Variants in NELL1 observed in about 807,000 individuals in gnomAD.
NELL1 encodes neural EGFL like 1.
A neutral mutation model predicts 107.4 loss-of-function variants in NELL1; 76 were observed. The ratio of observed to expected loss-of-function variants is 0.71; its 90% CI spans 0.59 to 0.86. NELL1 has a LOEUF of 0.86. NELL1 is among the 40% of genes least tolerant of loss of function. The pLI, the probability that NELL1 is intolerant of heterozygous loss-of-function variation, is 0.00. For synonymous variants in NELL1, 353 were observed against 341.2 expected (o/e 1.03, Z -0.38); for missense variants, 1,024 against 1,005.5 (o/e 1.02, Z -0.25).
chr11:21,083,156 TG>T (rs1331138656), intron 12 of NELL1, among the ~76,000 whole-genome samples: 2 of 152,162 alleles, frequency 1.3e-5, no homozygotes, highest in Admixed American at 6.6e-5. Flanking sequence ...AGTCAGTATG[TG>T]TTTTTATGGG....
intron 15 of NELL1, among the ~76,000 whole-genome samples, chr11:21,390,551 C>T (rs1310753717): frequency 6.8e-6 from 1 of 147,034 alleles, no homozygotes; most frequent in East Asian, 2.1e-4. Flanking sequence ...GCGCACGCAC[C>T]CAAACACTTC....
intron 13 of NELL1, among the ~76,000 whole-genome samples, chr11:21,132,857 G>T (rs1855655521): frequency 6.6e-6 from 1 of 152,164 alleles, no homozygotes; most frequent in Admixed American, 6.5e-5. Context: ...CCTGCCATTT[G>T]ATGGGTCCCA....
At chr11:20,862,605 C>CTTTGTTT (rs1848998211) in intron 4 of NELL1, among the ~76,000 whole-genome samples, 1 of 94,648 alleles carries the variant, frequency 1.1e-5, no homozygotes, top group Non-Finnish European at 1.9e-5. Flanking sequence ...TGAGCTGCTG[C>CTTTGTTT]TTTTTTTTTT....
chr11:21,000,394 C>T (rs928757333), intron 12 of NELL1, among the ~76,000 whole-genome samples: 1 of 152,120 alleles, frequency 6.6e-6, no homozygotes, highest in Non-Finnish European at 1.5e-5. Context: ...ATAATCTTTT[C>T]GGAACCCAGA....
intron 11 of NELL1, among the ~76,000 whole-genome samples, chr11:20,947,772 A>G (rs931665230): frequency 6.6e-6 from 1 of 152,136 alleles, no homozygotes; most frequent in Non-Finnish European, 1.5e-5. Context: ...CATTATCATC[A>G]TTATTACATT....
chr11:21,268,678 T>G (rs1323101329), intron 14 of NELL1, among the ~76,000 whole-genome samples: 1 of 152,054 alleles, frequency 6.6e-6, no homozygotes, highest in Admixed American at 6.6e-5. Context: ...CTCAACAACT[T>G]CCCACCACAT....
chr11:21,537,202 C>A (rs2133974111), intron 16 of NELL1, among the ~76,000 whole-genome samples: 1 of 152,250 alleles, frequency 6.6e-6, no homozygotes, highest in South Asian at 2.1e-4. Flanking sequence ...CAGAATATTT[C>A]TTGGGCAAAC....
intron 2 of NELL1, among the ~76,000 whole-genome samples, chr11:20,766,399 C>T (rs1419302203): frequency 6.6e-6 from 1 of 152,226 alleles, no homozygotes; most frequent in Non-Finnish European, 1.5e-5. Context: ...AAAGGAAAGA[C>T]ACAAGGTGGT....
chr11:20,711,971 G>C (rs1855123869), intron 2 of NELL1, among the ~76,000 whole-genome samples: 1 of 152,014 alleles, frequency 6.6e-6, no homozygotes. Context: ...TTAGTTCTTT[G>C]AGCTTCTTGT....
At chr11:21,539,842 C>T (rs1393695700) in intron 16 of NELL1, among the ~76,000 whole-genome samples, 2 of 151,220 alleles carry the variant, frequency 1.3e-5, no homozygotes, top group Non-Finnish European at 2.9e-5. Context: ...CCATTTAGGG[C>T]CATTTAGGGC....
chr11:20,936,005 G>A (rs1850717037), intron 9 of NELL1, among the ~76,000 whole-genome samples: 1 of 152,084 alleles, frequency 6.6e-6, no homozygotes, highest in Non-Finnish European at 1.5e-5. Context: ...CAGGTTCTGA[G>A]GGGAAACAGA....
chr11:20,894,560 A>G (rs566961227), intron 5 of NELL1, among the ~76,000 whole-genome samples: 1 of 152,378 alleles, frequency 6.6e-6, no homozygotes, highest in Admixed American at 6.5e-5. Context: ...AAGTAAAGCC[A>G]TACTGAGATG....
At chr11:21,310,265 A>G (rs1849722520) in intron 14 of NELL1, among the ~76,000 whole-genome samples, 1 of 152,098 alleles carries the variant, frequency 6.6e-6, no homozygotes, top group Non-Finnish European at 1.5e-5. Flanking sequence ...CATCAATCCT[A>G]ATAAATAATA....
chr11:20,803,021 G>A (rs1217665632), intron 3 of NELL1, among the ~76,000 whole-genome samples: 1 of 152,094 alleles, frequency 6.6e-6, no homozygotes. Context: ...ATATTGGCCT[G>A]TAATTTTCTT....
chr11:21,170,045 A>T, intron 13 of NELL1: 1 of 1,162,508 alleles, frequency 8.6e-7, no homozygotes, highest in South Asian at 1.2e-5. Flanking sequence ...CACAGACCAC[A>T]TCCCTGAGCC....
At chr11:21,013,179 T>C (rs575885595) in intron 12 of NELL1, among the ~76,000 whole-genome samples, 1 of 152,176 alleles carries the variant, frequency 6.6e-6, no homozygotes, top group African/African-American at 2.4e-5. Context: ...AGATCTCTTT[T>C]ACTGTCACAA....
At chr11:21,367,522 C>G (rs189090441) in intron 14 of NELL1, among the ~76,000 whole-genome samples, 11 of 152,104 alleles carry the variant, frequency 7.2e-5, no homozygotes, top group Non-Finnish European at 1.3e-4. Flanking sequence ...GGATCTTTGC[C>G]GTCTTACTGC....
At chr11:21,236,288 T>G (rs1858204793) in intron 14 of NELL1, among the ~76,000 whole-genome samples, 1 of 152,170 alleles carries the variant, frequency 6.6e-6, no homozygotes, top group South Asian at 2.1e-4. Flanking sequence ...TATTTCAGCC[T>G]TTACCACACA....
intron 15 of NELL1, among the ~76,000 whole-genome samples, chr11:21,458,805 G>A (rs1199508706): frequency 1.3e-5 from 2 of 152,054 alleles, no homozygotes; most frequent in Admixed American, 6.6e-5. Context: ...CTAAATGAAT[G>A]AAGAAATGGA....
Sources: gnomAD v4.1 joint callset for allele counts (sites outside exome capture counted in the v4.1 genomes callset) on GRCh38, gnomAD v4.1.1 for gene constraint, MANE v1.5 for transcripts, NCBI Gene and HGNC (gene_info 2026-07-23, HGNC 2026-07-21) for gene names.